SOCS2: variants seen among roughly 807,000 people sequenced by gnomAD.
The protein encoded by SOCS2 is CIS-2.
SOCS2 carries 10 observed loss-of-function variants against 18.6 expected under a neutral mutation model. The observed-to-expected ratio is 0.54, with a 90% confidence interval of 0.33 to 0.91. The LOEUF (loss-of-function observed/expected upper bound fraction) is 0.91, where lower values mean the gene tolerates loss of function less well. SOCS2 is among the 40% of genes least tolerant of loss of function. The pLI is 0.02. For synonymous variants in SOCS2, 104 were observed against 104.0 expected (o/e 1.00, Z 0.00); for missense variants, 231 against 247.2 (o/e 0.93, Z 0.44).
chr12:93,619,079 G>T, the SOCS2 span, among the ~76,000 whole-genome samples: 1 of 152,206 alleles, frequency 6.6e-6, no homozygotes, highest in Admixed American at 6.5e-5. Flanking sequence ...GGCACCCAGG[G>T]CCTACCACTG....
the SOCS2 span, among the ~76,000 whole-genome samples, chr12:93,610,012 A>G: frequency 1.3e-5 from 2 of 152,198 alleles, no homozygotes; most frequent in African/African-American, 4.8e-5. Flanking sequence ...TGGTAATGAC[A>G]TTAATTCATT....
chr12:93,614,498 TC>T, the SOCS2 span, among the ~76,000 whole-genome samples: 22 of 52,116 alleles, frequency 4.2e-4, 3 homozygotes, highest in East Asian at 5.9e-3. Context: ...CTTCCTTCCT[TC>T]CTTCCTTCCT....
chr12:93,578,098 T>A (rs1954491949), downstream of SOCS2, among the ~76,000 whole-genome samples: 1 of 152,086 alleles, frequency 6.6e-6, no homozygotes, highest in Non-Finnish European at 1.5e-5. Flanking sequence ...CAGTGAGCAG[T>A]GGTGATTGCT....
the SOCS2 span, among the ~76,000 whole-genome samples, chr12:93,618,123 C>T: frequency 5.9e-5 from 9 of 152,202 alleles, no homozygotes; most frequent in African/African-American, 1.7e-4. Context: ...CTCTCTCTTC[C>T]GCCTGCTCTG....
At chr12:93,602,139 C>T in the SOCS2 span, among the ~76,000 whole-genome samples, 1 of 152,176 alleles carries the variant, frequency 6.6e-6, no homozygotes, top group African/African-American at 2.4e-5. Flanking sequence ...GTCGGCCAGG[C>T]TGGAGTGCAG....
the SOCS2 span, among the ~76,000 whole-genome samples, chr12:93,611,392 C>G: frequency 5.9e-5 from 9 of 152,180 alleles, no homozygotes; most frequent in South Asian, 6.2e-4. Flanking sequence ...TGTGTGCCAC[C>G]ACGCCCGGCT....
At chr12:93,573,117 A>G in intron 1 of SOCS2, 81 bp downstream of exon 1, 2 of 1,507,228 alleles carry the variant, frequency 1.3e-6, no homozygotes, top group Non-Finnish European at 1.8e-6. Context: ...TCGAGGTGGG[A>G]AGCAAAGAAT....
chr12:93,577,873 T>G (rs1157829146), downstream of SOCS2, among the ~76,000 whole-genome samples: 1 of 152,214 alleles, frequency 6.6e-6, no homozygotes, highest in Admixed American at 6.5e-5. Context: ...GGAAAAAAAG[T>G]ACACTTGTCT....
chr12:93,572,167 C>T (rs911171379), upstream of SOCS2: 10 of 170,900 alleles, frequency 5.9e-5, no homozygotes, highest in Non-Finnish European at 1.1e-4. This position sits in a 1 kb window ranked among gnomAD's most constrained non-coding sequence, Gnocchi z 5.0. Context: ...TGCGGCAGCT[C>T]CCGCACCTCC....
chr12:93,619,066 T>C, the SOCS2 span, among the ~76,000 whole-genome samples: 2 of 152,144 alleles, frequency 1.3e-5, no homozygotes, highest in Non-Finnish European at 2.9e-5. Flanking sequence ...GAACACATGA[T>C]GCGGCACCCA....
At chr12:93,603,597 A>T in the SOCS2 span, among the ~76,000 whole-genome samples, 48,430 of 152,118 alleles carry the variant, frequency 0.32, 8,329 homozygotes, top group African/African-American at 0.47. Flanking sequence ...AGTTAAATAA[A>T]CAAGAGATTA....
downstream of SOCS2, among the ~76,000 whole-genome samples, chr12:93,583,760 A>G (rs570402284): frequency 2.0e-5 from 3 of 152,348 alleles, no homozygotes; most frequent in African/African-American, 7.2e-5. Flanking sequence ...AGAAGACTGA[A>G]AAAAGCTAGA....
chr12:93,614,568 T>TTTCTTTCC, the SOCS2 span, among the ~76,000 whole-genome samples: 1 of 67,664 alleles, frequency 1.5e-5, no homozygotes, highest in African/African-American at 8.3e-5. Flanking sequence ...TCTTTCTTTC[T>TTTCTTTCC]TTCTTTCTTT....
At chr12:93,605,441 C>G in the SOCS2 span, among the ~76,000 whole-genome samples, 1 of 152,194 alleles carries the variant, frequency 6.6e-6, no homozygotes, top group Non-Finnish European at 1.5e-5. Flanking sequence ...GGGCTTCAAC[C>G]ATACCTGTGA....
chr12:93,570,941 G>GGCGCGAGCGGA (rs1179152484), upstream of SOCS2: 10 of 153,386 alleles, frequency 6.5e-5, no homozygotes, highest in Admixed American at 5.2e-4. Context: ...AGCCGGGCGG[G>GGCGCGAGCGGA]GCGCGAGCGG....
chr12:93,613,290 T>C, the SOCS2 span, among the ~76,000 whole-genome samples: 1 of 152,212 alleles, frequency 6.6e-6, no homozygotes, highest in African/African-American at 2.4e-5. Context: ...GCCTCTTCGT[T>C]AGTAATTTCT....
the SOCS2 span, among the ~76,000 whole-genome samples, chr12:93,622,186 C>T: frequency 6.6e-6 from 1 of 152,138 alleles, no homozygotes; most frequent in African/African-American, 2.4e-5. Context: ...GACAGCAACC[C>T]ACAGGAGCTG....
chr12:93,591,283 C>T, the SOCS2 span, among the ~76,000 whole-genome samples: 1 of 149,636 alleles, frequency 6.7e-6, no homozygotes, highest in South Asian at 2.1e-4. Flanking sequence ...AAAAACAAGG[C>T]TCAGCCCGAG....
At chr12:93,609,868 A>C in the SOCS2 span, among the ~76,000 whole-genome samples, 1 of 152,220 alleles carries the variant, frequency 6.6e-6, no homozygotes, top group African/African-American at 2.4e-5. Flanking sequence ...GGAGGCTGGA[A>C]AGTCCAATGT....
Sources: gnomAD v4.1 joint callset for allele counts (sites outside exome capture counted in the v4.1 genomes callset) on GRCh38, gnomAD v4.1.1 for gene constraint, Gnocchi (gnomAD v3.1) non-coding constraint, MANE v1.5 for transcripts, NCBI Gene and HGNC (gene_info 2026-07-23, HGNC 2026-07-21) for gene names.